The following STOX2 variants were observed in gnomAD, a reference collection of about 807,000 sequenced individuals.
The protein encoded by STOX2 is storkhead-box protein 2.
In STOX2, 28 loss-of-function variants were observed where a neutral mutation model predicts 60.9. That is an observed-to-expected ratio of 0.46 (90% confidence interval 0.34 to 0.63). STOX2 has a LOEUF of 0.63. Ranked by LOEUF, STOX2 falls within the 30% of genes least tolerant of loss-of-function variation. The pLI is 0.01. For missense variants in STOX2, 1,024 were observed against 1,187.7 expected (o/e 0.86, Z 2.03); for synonymous variants, 472 against 463.9 (o/e 1.02, Z -0.22).
intron 1 of STOX2, chr4:183,853,793 C>T (rs749340052): frequency 1.1e-4 from 16 of 152,162 alleles, no homozygotes; most frequent in Non-Finnish European, 2.4e-4. Flanking sequence ...ACCATCTGTA[C>T]ATTTTACAGA....
chr4:183,876,888 G>A (rs569537889), intron 1 of STOX2, among the ~76,000 whole-genome samples: 30 of 152,322 alleles, frequency 2.0e-4, no homozygotes, highest in East Asian at 1.4e-3. Context: ...ATGGAGAAGC[G>A]TTTTCTAGAC....
chr4:183,863,106 T>A (rs913433322), intron 1 of STOX2, among the ~76,000 whole-genome samples: 29 of 152,104 alleles, frequency 1.9e-4, no homozygotes, highest in African/African-American at 7.0e-4. Flanking sequence ...TCCCACAAGG[T>A]CATCTGAGAA....
At chr4:183,996,504 T>C (rs1284041044) in intron 1 of STOX2, among the ~76,000 whole-genome samples, 2 of 152,242 alleles carry the variant, frequency 1.3e-5, no homozygotes, top group Non-Finnish European at 2.9e-5. Context: ...CATTCTCCTT[T>C]TTTCTTCTTT....
chr4:183,986,914 C>T (rs1175123638), intron 1 of STOX2, among the ~76,000 whole-genome samples: 2 of 152,058 alleles, frequency 1.3e-5, no homozygotes, highest in Non-Finnish European at 2.9e-5. Context: ...GTTTCGGGGG[C>T]GCCTTATGAA....
At chr4:183,892,399 C>T (rs1741240916) in intron 1 of STOX2, among the ~76,000 whole-genome samples, 1 of 152,188 alleles carries the variant, frequency 6.6e-6, no homozygotes, top group Non-Finnish European at 1.5e-5. Context: ...CTGCCTCAGC[C>T]TCCCGAGTAG....
intron 1 of STOX2, among the ~76,000 whole-genome samples, chr4:183,894,859 G>A (rs1406767476): frequency 6.6e-6 from 1 of 152,154 alleles, no homozygotes; most frequent in Non-Finnish European, 1.5e-5. Context: ...CTGTATAAAC[G>A]AGCTGCGGGG....
At chr4:183,977,546 C>CGTGTGTGTGT (rs56043761) in intron 1 of STOX2, among the ~76,000 whole-genome samples, 63 of 147,904 alleles carry the variant, frequency 4.3e-4, no homozygotes, top group African/African-American at 1.2e-3. Context: ...CATTCCATTT[C>CGTGTGTGTGT]GTGTGTGTGT....
At chr4:183,852,591 TATC>T (rs1293812128) in intron 1 of STOX2, among the ~76,000 whole-genome samples, 1 of 150,612 alleles carries the variant, frequency 6.6e-6, no homozygotes, top group African/African-American at 2.4e-5. Context: ...GATGCTGCCT[TATC>T]ATACTCTCAT....
At chr4:183,972,102 C>CCAACCCA (rs1207433694) in intron 1 of STOX2, among the ~76,000 whole-genome samples, 5 of 152,330 alleles carry the variant, frequency 3.3e-5, no homozygotes, top group Admixed American at 1.3e-4. Context: ...CTCTCCCTTC[C>CCAACCCA]CAACCCATAG....
intron 1 of STOX2, among the ~76,000 whole-genome samples, chr4:183,808,375 C>G (rs1251587787): frequency 6.6e-6 from 1 of 152,160 alleles, no homozygotes; most frequent in Non-Finnish European, 1.5e-5. Flanking sequence ...GCTGGGAAAG[C>G]CTTGGAAGGC....
At chr4:184,012,515 C>T (rs1734210047) in intron 3 of STOX2, among the ~76,000 whole-genome samples, 1 of 152,190 alleles carries the variant, frequency 6.6e-6, no homozygotes. Context: ...GTGAGCATCA[C>T]ACAGCTGGAA....
intron 1 of STOX2, among the ~76,000 whole-genome samples, chr4:183,815,171 T>A (rs574084502): frequency 4.0e-5 from 6 of 151,862 alleles, no homozygotes; most frequent in East Asian, 1.9e-4. Context: ...TTTTTTTTTT[T>A]ATTTTAATAG....
rs752460006 is a variant in STOX2 at position 184,010,735 on chromosome 4, G to T, written c.1897G>T (p.Val633Leu). 1.9e-5 allele frequency: 31 copies of T among 1,595,038 alleles called. No homozygotes were observed. In the East Asian group the frequency reaches 4.7e-4, roughly 24 times the overall value. Residue 633 changes from valine (V) to leucine (L), a missense_variant, in exon 3 of 4, where the codon GTG becomes TTG. Coordinates refer to ENST00000308497, the MANE Select transcript of STOX2 (RefSeq NM_020225.3). The surrounding 1 kb of genome is among the most constrained non-coding windows in gnomAD (Gnocchi z 4.5). Reference protein sequence around the residue: ...DHDTLTLAEGVKKLSPSDRQV... With the variant: ...DHDTLTLAEGLKKLSPSDRQV... ...TGACACTCTGACTTTGGCAGAAGGG[G>T]TGAAAAAGCTCTCCCCTTCTGATAG...
Position 183,912,967 on chromosome 4 carries a change from A to G in STOX2, c.166+6011A>G, listed in dbSNP as rs150759459. Among the ~76,000 whole-genome samples, 817 of 152,356 alleles carry G rather than the reference A, an allele frequency of 5.4e-3. 7 individuals are homozygous for G. The highest frequency in any genetic ancestry group is 7.3e-3 in the Non-Finnish European group (494 of 68,036). ...GACAGGACCAACAAGCTATGAGTGG[A>G]TGATTAGAAAGTACTAAATAATAGG... On this transcript the variant is annotated intron_variant, in intron 1 of 3. Transcript: ENST00000308497.
At chr4:183,954,898 C>T (rs140575296) in intron 1 of STOX2, among the ~76,000 whole-genome samples, 116 of 151,880 alleles carry the variant, frequency 7.6e-4, no homozygotes, top group African/African-American at 2.6e-3. Flanking sequence ...ACCACCACAC[C>T]CAGCTGATTT....
At chr4:183,989,608 G>A (rs1176979356) in intron 1 of STOX2, among the ~76,000 whole-genome samples, 1 of 152,190 alleles carries the variant, frequency 6.6e-6, no homozygotes, top group African/African-American at 2.4e-5. Context: ...CCTGATTTAT[G>A]TGCCCAGGGA....
chr4:183,974,906 C>T (rs1732392530), intron 1 of STOX2, among the ~76,000 whole-genome samples: 1 of 152,082 alleles, frequency 6.6e-6, no homozygotes, highest in Admixed American at 6.5e-5. Flanking sequence ...CCTTTAAAAT[C>T]CTCAGGGAGC....
Position 183,984,585 on chromosome 4 carries a change from A to G in STOX2, c.167-16740A>G, listed in dbSNP as rs573057934. Among the ~76,000 whole-genome samples the G allele has an allele frequency of 4.6e-5, 7 of 152,304 alleles. No homozygotes were observed. In the South Asian group the frequency reaches 8.3e-4, roughly 18 times the overall value. ...GGCACCTGATAAATATTTTTAATTG[A>G]TTTAATGGTATTTATTGCTGTCTGC... is the stretch of plus-strand genomic sequence containing the variant. On this transcript the variant is annotated intron_variant, in intron 1 of 3. Coordinates refer to ENST00000308497, the MANE Select transcript of STOX2 (RefSeq NM_020225.3).
chr4:183,922,241 A>G (rs1742121849), intron 1 of STOX2, among the ~76,000 whole-genome samples: 1 of 152,178 alleles, frequency 6.6e-6, no homozygotes, highest in South Asian at 2.1e-4. Flanking sequence ...CCTCAGGTGC[A>G]AATATTATTT....
Sources: allele counts gnomAD v4.1 joint callset (sites outside exome capture counted in the v4.1 genomes callset), GRCh38; gene constraint gnomAD v4.1.1; non-coding constraint Gnocchi (gnomAD v3.1); transcripts MANE v1.5; gene names NCBI Gene and HGNC (gene_info 2026-07-23, HGNC 2026-07-21).